Variants in SORBS2 observed in about 807,000 individuals in gnomAD.
SORBS2 encodes sorbin and SH3 domain-containing protein 2.
SORBS2 carries 46 observed loss-of-function variants against 97.7 expected under a neutral mutation model. The ratio of observed to expected loss-of-function variants is 0.47; its 90% confidence interval spans 0.37 to 0.60. SORBS2 has a LOEUF of 0.60. Among genes scored for constraint, SORBS2 ranks in the 20% least tolerant of loss-of-function variants. The pLI is 0.00. For synonymous variants in SORBS2, 476 were observed against 473.4 expected (o/e 1.01, Z -0.07); for missense variants, 1,316 against 1,282.3 (o/e 1.03, Z -0.40).
At chr4:185,892,714 G>A (rs2099243099) in intron 1 of SORBS2, among the ~76,000 whole-genome samples, 1 of 152,194 alleles carries the variant, frequency 6.6e-6, no homozygotes, top group African/African-American at 2.4e-5. Context: ...GAAGTACCTG[G>A]AGAAGTCAAA....
At chr4:185,621,411 T>G (rs867466561) in intron 7 of SORBS2, among the ~76,000 whole-genome samples, 14 of 152,266 alleles carry the variant, frequency 9.2e-5, no homozygotes, top group South Asian at 6.2e-4. Flanking sequence ...TTCAAAGCCC[T>G]TCCAAGTTAC....
intron 1 of SORBS2, chr4:185,933,421 G>T (rs2099267415): frequency 6.6e-6 from 1 of 152,122 alleles, no homozygotes; most frequent in Non-Finnish European, 1.5e-5. Context: ...TAAACATCCT[G>T]TGAGAAATGC....
At chr4:185,627,867 A>G (rs28580770) in intron 5 of SORBS2, among the ~76,000 whole-genome samples, 1,492 of 135,578 alleles carry the variant, frequency 0.011, 23 homozygotes, top group African/African-American at 0.038. Flanking sequence ...CCTGGCACCC[A>G]CTGATCTTTC....
exon 10 of SORBS2, chr4:185,615,125 T>C: frequency 6.2e-7 from 1 of 1,613,132 alleles, no homozygotes; most frequent in East Asian, 2.2e-5. Flanking sequence ...TTCCTGAGGA[T>C]GTAGACAGTA....
chr4:185,721,625 C>T (rs566128482), intron 2 of SORBS2, among the ~76,000 whole-genome samples: 14 of 152,202 alleles, frequency 9.2e-5, no homozygotes, highest in African/African-American at 3.1e-4. Flanking sequence ...TTGGTATAGC[C>T]GGAAGATGAA....
chr4:185,686,360 T>A (rs4466086), intron 2 of SORBS2, among the ~76,000 whole-genome samples: 89,339 of 151,994 alleles, frequency 0.59, 26,269 homozygotes, highest in East Asian at 0.67. Flanking sequence ...TTCACTTTTT[T>A]AAAGTATATG....
chr4:185,622,997 C>G, exon 7 of SORBS2: 1 of 1,614,044 alleles, frequency 6.2e-7, no homozygotes, highest in African/African-American at 1.3e-5. Flanking sequence ...GCGGGGCATT[C>G]TCCCGCAGTC....
At chr4:185,759,308 G>A (rs2098850033) in intron 2 of SORBS2, among the ~76,000 whole-genome samples, 1 of 152,192 alleles carries the variant, frequency 6.6e-6, no homozygotes, top group South Asian at 2.1e-4. Context: ...AGAAGGAGTT[G>A]CTTGCTCTTG....
At chr4:185,771,082 G>A (rs1413115850) in intron 2 of SORBS2, 1 of 143,610 alleles carries the variant, frequency 7.0e-6, no homozygotes, top group Non-Finnish European at 1.5e-5. Flanking sequence ...CCAGGTTCAA[G>A]CTATTCTCCC....
intron 1 of SORBS2, among the ~76,000 whole-genome samples, chr4:185,829,153 T>C (rs995192405): frequency 7.2e-5 from 11 of 152,244 alleles, no homozygotes; most frequent in Non-Finnish European, 2.9e-5. Context: ...AAGTTTTTTC[T>C]AATCCATGTA....
chr4:185,671,643 T>C (rs777838245), intron 4 of SORBS2, among the ~76,000 whole-genome samples: 38 of 152,236 alleles, frequency 2.5e-4, no homozygotes, highest in Non-Finnish European at 5.0e-4. Flanking sequence ...AGGAATGCTC[T>C]GCACAAAGCC....
At chr4:185,699,546 C>T (rs1424382537) in intron 2 of SORBS2, among the ~76,000 whole-genome samples, 1 of 152,104 alleles carries the variant, frequency 6.6e-6, no homozygotes, top group Non-Finnish European at 1.5e-5. Context: ...CTTGGTCTCC[C>T]AAAGTGCTGG....
rs2097918507 is a variant in SORBS2 at position 185,684,487 on chromosome 4, G to A, written c.-197-5665C>T. On this transcript the variant is annotated intron_variant, in intron 2 of 20. Coordinates refer to the SORBS2 transcript ENST00000284776. This position sits in a 1 kb window ranked among gnomAD's most constrained non-coding sequence, Gnocchi z 4.2. ...TGTACCCCTACCCCAAAAGTTTTTA[G>A]GTTAAAAAAAAAAACCCCAAAACCT... 6.7e-6 allele frequency among the ~76,000 whole-genome samples: 1 copy of A among 149,446 alleles called. No individual in the cohort carries two copies. Among genetic ancestry groups the A allele is most frequent in the African/African-American group, 2.5e-5 (1 of 40,312 alleles).
intron 9 of SORBS2, among the ~76,000 whole-genome samples, chr4:185,617,510 A>C (rs2096647155): frequency 6.9e-6 from 1 of 144,062 alleles, no homozygotes; most frequent in Admixed American, 7.0e-5. Context: ...TTTTATGAGT[A>C]AATTATTTTG....
At chr4:185,815,633 C>A (rs2099192854) in intron 1 of SORBS2, among the ~76,000 whole-genome samples, 1 of 152,198 alleles carries the variant, frequency 6.6e-6, no homozygotes, top group South Asian at 2.1e-4. Context: ...CATATATATG[C>A]TCTAATAGTA....
chr4:185,779,004 C>T (rs937998504), intron 1 of SORBS2, among the ~76,000 whole-genome samples: 6 of 152,146 alleles, frequency 3.9e-5, no homozygotes, highest in African/African-American at 7.2e-5. Context: ...CATTTTCAGG[C>T]GGCACCTGAG....
chr4:185,766,585 T>C (rs562586535), intron 2 of SORBS2, among the ~76,000 whole-genome samples: 2 of 152,364 alleles, frequency 1.3e-5, no homozygotes, highest in Admixed American at 6.5e-5. Flanking sequence ...TTTTGAAAAT[T>C]AACAATTTGT....
chr4:185,742,563 A>G (rs1314285270), intron 2 of SORBS2, among the ~76,000 whole-genome samples: 6 of 152,186 alleles, frequency 3.9e-5, no homozygotes, highest in African/African-American at 1.4e-4. Context: ...ATTTTTCTTC[A>G]AGGATCCAAT....
At chr4:185,892,989 A>G (rs1429674608) in intron 1 of SORBS2, among the ~76,000 whole-genome samples, 2 of 152,228 alleles carry the variant, frequency 1.3e-5, no homozygotes, top group African/African-American at 4.8e-5. Context: ...ATAGCCTTGA[A>G]AAAAACAAGA....
Sources: allele counts gnomAD v4.1 joint callset (sites outside exome capture counted in the v4.1 genomes callset), GRCh38; gene constraint gnomAD v4.1.1; non-coding constraint Gnocchi (gnomAD v3.1); transcripts MANE v1.5; gene names NCBI Gene and HGNC (gene_info 2026-07-23, HGNC 2026-07-21).